RAB3GAP2: variants seen among roughly 807,000 people sequenced by gnomAD.
The protein encoded by RAB3GAP2 is RAB3 GTPase activating non-catalytic protein subunit 2, also known as rab3 GTPase-activating protein non-catalytic subunit.
In RAB3GAP2, 87 loss-of-function variants were observed where a neutral mutation model predicts 185.3. The ratio of observed to expected loss-of-function variants is 0.47; its 90% CI spans 0.39 to 0.56. RAB3GAP2 has a LOEUF of 0.56. Ranked by LOEUF, RAB3GAP2 falls within the 20% of genes least tolerant of loss-of-function variation. The pLI, the probability that RAB3GAP2 is intolerant of heterozygous loss-of-function variation, is 0.00. For synonymous variants in RAB3GAP2, 554 were observed against 576.1 expected (o/e 0.96, Z 0.55); for missense variants, 1,492 against 1,638.2 (o/e 0.91, Z 1.54).
chr1:220,177,383 C>A (rs1286234198), intron 21 of RAB3GAP2, among the ~76,000 whole-genome samples: 2 of 152,146 alleles, frequency 1.3e-5, no homozygotes, highest in Non-Finnish European at 2.9e-5. Flanking sequence ...AAAGTACATA[C>A]CTAATATATC....
intron 1 of RAB3GAP2, among the ~76,000 whole-genome samples, chr1:220,249,719 C>G (rs1659896175): frequency 6.6e-6 from 1 of 152,174 alleles, no homozygotes; most frequent in Non-Finnish European, 1.5e-5. Context: ...GGCCCAGGGC[C>G]TTGCAGCTTT....
At chr1:220,255,949 C>T (rs1296846503) in intron 1 of RAB3GAP2, among the ~76,000 whole-genome samples, 1 of 152,082 alleles carries the variant, frequency 6.6e-6, no homozygotes, top group Non-Finnish European at 1.5e-5. Context: ...AGATACTCCT[C>T]AAGAAGATCA....
intron 1 of RAB3GAP2, among the ~76,000 whole-genome samples, chr1:220,238,411 A>G (rs1190765298): frequency 6.6e-6 from 1 of 152,204 alleles, no homozygotes; most frequent in Non-Finnish European, 1.5e-5. Flanking sequence ...GTCAGGTTGC[A>G]CTGGATTGGT....
intron 33 of RAB3GAP2, among the ~76,000 whole-genome samples, chr1:220,151,977 T>G (rs1448158374): frequency 1.3e-5 from 2 of 152,200 alleles, no homozygotes; most frequent in African/African-American, 4.8e-5. Context: ...TCTCATCACC[T>G]AATCTTTCAA....
At chr1:220,272,102 G>A in intron 1 of RAB3GAP2, 121 bp downstream of exon 1, 4 of 840,560 alleles carry the variant, frequency 4.8e-6, no homozygotes, top group South Asian at 2.9e-5. Flanking sequence ...GGGGAGGCAC[G>A]GGGAGAACTG....
intron 3 of RAB3GAP2, 52 bp downstream of exon 3, chr1:220,213,804 C>T (rs919735211): frequency 1.3e-6 from 2 of 1,551,476 alleles, no homozygotes. Context: ...TCCATTTTCT[C>T]TTCTATCCAA....
chr1:220,213,982 G>A lies in RAB3GAP2; in HGVS notation c.181-3C>T. The A allele has an allele frequency of 1.2e-6, 2 of 1,613,126 alleles. No homozygotes were observed. The highest frequency in any genetic ancestry group is 1.7e-6 in the Non-Finnish European group (2 of 1,179,464). ...TTGCAAGTATTTCCTTCTTCTTCCT[G>A]TGGGTAAAACTACAATTACTGCATA... On this transcript the variant is annotated splice_polypyrimidine_tract_variant and splice_region_variant and intron_variant, in intron 2 of 34. Coordinates refer to ENST00000358951, the MANE Select transcript of RAB3GAP2 (RefSeq NM_012414.4).
intron 1 of RAB3GAP2, among the ~76,000 whole-genome samples, chr1:220,245,394 A>G (rs9431233): frequency 0.035 from 5,348 of 152,304 alleles, 332 homozygotes; most frequent in African/African-American, 0.12. Flanking sequence ...TGCGAGTCAA[A>G]GAAAGTGGTG....
rs566284615 is a variant in RAB3GAP2 at position 220,161,608 on chromosome 1, T to C, written c.3225+590A>G. Among the ~76,000 whole-genome samples the C allele has an allele frequency of 9.2e-5, 14 of 152,294 alleles. No individual in the cohort carries two copies. In the South Asian group the frequency reaches 2.9e-3, roughly 32 times the overall value. ...ATTTAATTCCATAACTGATGAAATA[T>C]GAATGAGAAAAAAGGGGGAGTTATT... On this transcript the variant is annotated intron_variant, in intron 28 of 34. Coordinates refer to ENST00000358951, the MANE Select transcript of RAB3GAP2 (RefSeq NM_012414.4).
intron 22 of RAB3GAP2, among the ~76,000 whole-genome samples, chr1:220,172,337 A>G (rs1480541585): frequency 6.6e-6 from 1 of 152,236 alleles, no homozygotes; most frequent in Non-Finnish European, 1.5e-5. Flanking sequence ...TGATAATCAT[A>G]CAAAAAATAA....
chr1:220,233,752 G>C (rs1659543008), intron 1 of RAB3GAP2, among the ~76,000 whole-genome samples: 1 of 152,058 alleles, frequency 6.6e-6, no homozygotes. Flanking sequence ...CCAGGCTAGA[G>C]TACAATAGCG....
intron 31 of RAB3GAP2, among the ~76,000 whole-genome samples, chr1:220,155,264 C>T (rs576868472): frequency 7.9e-5 from 12 of 152,252 alleles, no homozygotes; most frequent in African/African-American, 2.9e-4. Context: ...CTTGGGTTAC[C>T]GTTTCTTCTT....
intron 9 of RAB3GAP2, among the ~76,000 whole-genome samples, chr1:220,201,916 G>A (rs1472559897): frequency 1.3e-5 from 2 of 152,078 alleles, no homozygotes; most frequent in Non-Finnish European, 2.9e-5. Flanking sequence ...GCTCACGCCT[G>A]TAATCTCAGC....
chr1:220,243,736 A>T (rs138399970), intron 1 of RAB3GAP2, among the ~76,000 whole-genome samples: 3 of 152,316 alleles, frequency 2.0e-5, no homozygotes, highest in Non-Finnish European at 4.4e-5. Context: ...CAGCAATACA[A>T]CGAGGTGCTG....
chr1:220,267,276 T>C lies in RAB3GAP2; in HGVS notation c.115+4947A>G, dbSNP rs1660245015. 5 of 905,840 alleles carry C rather than the reference T, an allele frequency of 5.5e-6. No homozygotes were observed. In the South Asian group the frequency reaches 6.5e-5, roughly 12 times the overall value. 56.1% of individuals were successfully genotyped at this position (905,840 alleles called of 1,614,324 possible). A position where few individuals can be genotyped will look rare whatever the true frequency, so the allele number is the denominator to read the frequency against. Reference sequence around the variant, plus strand: ...GAAGTTCTGTATTGACTGTTTCAAGTGGTGTATATTCCAGAATTAGGTAGA... The same window carrying C: ...GAAGTTCTGTATTGACTGTTTCAAGCGGTGTATATTCCAGAATTAGGTAGA... On this transcript the variant is annotated intron_variant, in intron 1 of 34. Coordinates refer to ENST00000358951, the MANE Select transcript of RAB3GAP2 (RefSeq NM_012414.4).
At position 220,195,069 on chromosome 1, in the gene RAB3GAP2, C is replaced by T. The variant is rs768195662; in HGVS notation, c.1130+9G>A. The T allele has an allele frequency of 1.2e-6, 2 of 1,613,556 alleles. No homozygotes were observed. The highest frequency in any genetic ancestry group is 2.2e-5 in the South Asian group (2 of 91,082). On this transcript the variant is annotated intron_variant, in intron 12 of 34. Transcript: ENST00000358951. ...AAGGACTAAAATTTGGGAAGCATGA[C>T]AGACTTGCCTTACAGCTAATGGGGT...
intron 1 of RAB3GAP2, among the ~76,000 whole-genome samples, chr1:220,261,967 AATTG>A (rs1023083265): frequency 3.3e-5 from 5 of 151,802 alleles, no homozygotes; most frequent in African/African-American, 4.8e-5. Context: ...TTATTAATCT[AATTG>A]ATTGACATTT....
intron 31 of RAB3GAP2, chr1:220,154,399 A>G (rs1376765249): frequency 3.9e-6 from 1 of 255,770 alleles, no homozygotes; most frequent in East Asian, 1.0e-4. Flanking sequence ...TGAGGCACTC[A>G]TATTCACTCT....
chr1:220,172,798 T>C (rs1658204259), intron 21 of RAB3GAP2, 56 bp from the exon 22 acceptor site: 11 of 1,190,006 alleles, frequency 9.2e-6, no homozygotes, highest in South Asian at 8.8e-5. Flanking sequence ...ATAGACAAAA[T>C]CTTACACTTT....
Sources: gnomAD v4.1 joint callset for allele counts (sites outside exome capture counted in the v4.1 genomes callset) on GRCh38, gnomAD v4.1.1 for gene constraint, MANE v1.5 for transcripts, NCBI Gene and HGNC (gene_info 2026-07-23, HGNC 2026-07-21) for gene names.